Variants in SEMA5A observed in about 807,000 individuals in gnomAD.
SEMA5A encodes the protein semaphorin 5A, also known as semaphorin-5A.
SEMA5A carries 55 observed loss-of-function variants against 135.5 expected under a neutral mutation model. The ratio of observed to expected loss-of-function variants is 0.41; its 90% confidence interval spans 0.33 to 0.51. The LOEUF (loss-of-function observed/expected upper bound fraction) is 0.51, where lower values mean the gene tolerates loss of function less well. Ranked by LOEUF, SEMA5A falls within the 20% of genes least tolerant of loss-of-function variation. The probability of loss-of-function intolerance (pLI) is 0.37; values close to 1 mark genes in which losing one functional copy is unlikely to be tolerated. For missense variants in SEMA5A, 1,290 were observed against 1,419.9 expected, an observed-to-expected ratio of 0.91 and a Z score of 1.47; for synonymous variants, 580 against 546.5, an observed-to-expected ratio of 1.06 and a Z score of -0.85.
At chr5:9,300,176 C>A (rs984869805) in intron 5 of SEMA5A, among the ~76,000 whole-genome samples, 1 of 152,058 alleles carries the variant, frequency 6.6e-6, no homozygotes, top group African/African-American at 2.4e-5. Context: ...TACAGGCACA[C>A]CCCACCACAC....
chr5:9,440,081 A>G (rs1486192498), intron 1 of SEMA5A, among the ~76,000 whole-genome samples: 1 of 152,248 alleles, frequency 6.6e-6, no homozygotes, highest in African/African-American at 2.4e-5. Context: ...GCTCACCAAC[A>G]CACCCATGTG....
intron 16 of SEMA5A, among the ~76,000 whole-genome samples, chr5:9,081,233 G>C (rs938499275): frequency 6.6e-6 from 1 of 152,162 alleles, no homozygotes; most frequent in African/African-American, 2.4e-5. Flanking sequence ...CCACAGAAAA[G>C]ACTGTAGCTC....
intron 3 of SEMA5A, among the ~76,000 whole-genome samples, chr5:9,355,238 C>A (rs1053018227): frequency 6.6e-6 from 1 of 151,742 alleles, no homozygotes; most frequent in Non-Finnish European, 1.5e-5. Flanking sequence ...TTTTGCCAAC[C>A]CTTGTCTATG....
At chr5:9,116,804 A>G (rs1740539921) in intron 15 of SEMA5A, among the ~76,000 whole-genome samples, 1 of 152,226 alleles carries the variant, frequency 6.6e-6, no homozygotes, top group Non-Finnish European at 1.5e-5. Flanking sequence ...GTCCTCAAAC[A>G]TCTGCATTGT....
At chr5:9,117,873 T>C (rs1352491750) in intron 15 of SEMA5A, among the ~76,000 whole-genome samples, 3 of 152,228 alleles carry the variant, frequency 2.0e-5, no homozygotes, top group Admixed American at 1.3e-4. Context: ...TGCACAAGAC[T>C]GTCTCAGGGA....
intron 1 of SEMA5A, among the ~76,000 whole-genome samples, chr5:9,527,196 G>A (rs889806972): frequency 1.1e-4 from 16 of 152,202 alleles, no homozygotes; most frequent in African/African-American, 3.4e-4. Flanking sequence ...TTGGGTGGAA[G>A]GATGCAGCCA....
chr5:9,201,712 T>C (rs1296260618), intron 9 of SEMA5A, among the ~76,000 whole-genome samples: 1 of 152,228 alleles, frequency 6.6e-6, no homozygotes, highest in Non-Finnish European at 1.5e-5. Flanking sequence ...TTAATGTCAC[T>C]ATATCCTAAA....
chr5:9,484,912 C>T (rs749303221), intron 1 of SEMA5A, among the ~76,000 whole-genome samples: 24 of 152,032 alleles, frequency 1.6e-4, no homozygotes, highest in Non-Finnish European at 5.9e-5. Context: ...CAACAGACAC[C>T]CATGAGTGGG....
At chr5:9,439,215 G>A (rs561955649) in intron 1 of SEMA5A, among the ~76,000 whole-genome samples, 4 of 152,190 alleles carry the variant, frequency 2.6e-5, no homozygotes, top group Non-Finnish European at 4.4e-5. Context: ...AGAGGAGCCA[G>A]GGAAGCACAC....
chr5:9,284,650 G>A (rs549556094), intron 5 of SEMA5A, among the ~76,000 whole-genome samples: 4 of 152,030 alleles, frequency 2.6e-5, no homozygotes, highest in Admixed American at 2.6e-4. Flanking sequence ...CTTTTGGGGG[G>A]TAAAATTTTG....
At position 9,226,899 on chromosome 5, in the gene SEMA5A, A is replaced by C. The variant is rs764398652; in HGVS notation, c.402T>G (p.Asn134Lys). The change falls in exon 7 of 23, where the codon AAT becomes AAG. Residue 134 changes from asparagine (N) to lysine (K), a missense_variant. Physicochemically the swap from Asn to Lys is moderately conservative, Grantham distance 94 (BLOSUM62 0). Transcript: ENST00000382496. The part of the protein sequence containing the change: ...GGDRLFTCGT[N>K]AFTPVCTNRS... ...GGTTGGTGCAGACAGGCGTGAATGC[A>C]TTGGTCCCACAGGTGAATAACCGGT... is the stretch of plus-strand genomic sequence containing the variant. 6.3e-7 allele frequency: 1 copy of C among 1,597,150 alleles called. No homozygotes were observed. The highest frequency in any genetic ancestry group is 1.7e-5 in the Admixed American group (1 of 58,198).
chr5:9,055,727 A>G (rs751091585), intron 18 of SEMA5A, among the ~76,000 whole-genome samples: 4 of 152,204 alleles, frequency 2.6e-5, no homozygotes. Context: ...TTGTGATTCA[A>G]TAGTTTACAC....
intron 1 of SEMA5A, among the ~76,000 whole-genome samples, chr5:9,519,379 C>T (rs1010526138): frequency 2.0e-5 from 3 of 152,182 alleles, no homozygotes; most frequent in African/African-American, 7.2e-5. Flanking sequence ...CAGATGGCAT[C>T]AACAGCGAAG....
rs1232356707 is a variant in SEMA5A, at chr5:9,041,997, T to G, written c.*900A>C. On this transcript the variant is annotated 3_prime_UTR_variant, in exon 23 of 23. Coordinates refer to ENST00000382496, the MANE Select transcript of SEMA5A (RefSeq NM_003966.3). ...CATCATAAATGTTCAAGATTTTTCT[T>G]TGCAGGGAGAGAGAAGGCATGGAGT... The G allele has an allele frequency of 6.6e-6, 1 of 152,372 alleles. No homozygotes were observed. The highest frequency in any genetic ancestry group is 6.5e-5 in the Admixed American group (1 of 15,284). 9.4% of individuals were successfully genotyped at this position (152,372 alleles called of 1,614,324 possible).
chr5:9,051,143 G>A (rs545073012), intron 20 of SEMA5A, among the ~76,000 whole-genome samples: 14 of 152,226 alleles, frequency 9.2e-5, no homozygotes, highest in African/African-American at 2.6e-4. Flanking sequence ...GTTCTGTGCC[G>A]TACATGACTG....
chr5:9,112,377 A>G (rs1013214500), intron 15 of SEMA5A, among the ~76,000 whole-genome samples: 1 of 152,232 alleles, frequency 6.6e-6, no homozygotes, highest in East Asian at 1.9e-4. Context: ...CATTCTGGTT[A>G]GATCCATGCT....
chr5:9,469,966 A>G (rs547323605), intron 1 of SEMA5A, among the ~76,000 whole-genome samples: 1 of 152,340 alleles, frequency 6.6e-6, no homozygotes, highest in East Asian at 1.9e-4. Flanking sequence ...CCCCAAATGG[A>G]AAATCCAATC....
At chr5:9,133,262 A>G (rs1321333636) in intron 13 of SEMA5A, among the ~76,000 whole-genome samples, 1 of 152,236 alleles carries the variant, frequency 6.6e-6, no homozygotes, top group Non-Finnish European at 1.5e-5. Context: ...CATCTAGGTC[A>G]TCTCCTTCTA....
intron 5 of SEMA5A, among the ~76,000 whole-genome samples, chr5:9,270,911 T>C (rs1451837773): frequency 6.6e-6 from 1 of 152,122 alleles, no homozygotes; most frequent in Non-Finnish European, 1.5e-5. Flanking sequence ...TCTGATCACT[T>C]GCTTGCTAAA....
Sources: gnomAD v4.1 joint callset for allele counts (sites outside exome capture counted in the v4.1 genomes callset) on GRCh38, gnomAD v4.1.1 for gene constraint, MANE v1.5 for transcripts, NCBI Gene and HGNC (gene_info 2026-07-23, HGNC 2026-07-21) for gene names.